The following MLIP variants were observed in gnomAD, a reference collection of about 807,000 sequenced individuals.
MLIP encodes muscular LMNA interacting protein, also known as muscular LMNA-interacting protein.
A neutral mutation model predicts 84.8 loss-of-function variants in MLIP; 79 were observed. That is an observed-to-expected ratio of 0.93 (90% CI 0.78 to 1.12). The LOEUF (loss-of-function observed/expected upper bound fraction) is 1.12. MLIP is among the 50% of genes most tolerant of loss of function. The probability of loss-of-function intolerance (pLI) is 0.00; values close to 1 mark genes in which losing one functional copy is unlikely to be tolerated. For synonymous variants in MLIP, 504 were observed against 463.0 expected (o/e 1.09, Z -1.14); for missense variants, 1,257 against 1,160.6 (o/e 1.08, Z -1.21).
intron 1 of MLIP, among the ~76,000 whole-genome samples, chr6:54,086,309 A>T (rs1767485312): frequency 6.6e-6 from 1 of 152,172 alleles, no homozygotes; most frequent in Non-Finnish European, 1.5e-5. Flanking sequence ...ATTTACTTGA[A>T]TGTCTAAAAG....
At chr6:54,143,292 A>C (rs1319366280) in intron 4 of MLIP, among the ~76,000 whole-genome samples, 1 of 146,490 alleles carries the variant, frequency 6.8e-6, no homozygotes, top group Middle Eastern at 3.4e-3. Context: ...ATCTCGGCTC[A>C]CTGCAACCTC....
In MLIP at chr6:54,069,125, TG is replaced by T. The variant is rs1766349197; in HGVS notation, c.63+50035del. On this transcript the variant is annotated intron_variant, in intron 1 of 12. Coordinates refer to the MLIP transcript ENST00000274897. ...TTCGTTCATGTTCAGTGGTGCTCCA[TG>T]TGTTTTAAGAATCTGTGCTGTGTCT... 2.0e-5 allele frequency among the ~76,000 whole-genome samples: 2 copies of T among 101,520 alleles called. 1 individual carries two copies. Among genetic ancestry groups the T allele is most frequent in the Non-Finnish European group, 5.7e-5 (2 of 35,250 alleles). The allele number at this position is 101,520 out of a possible 152,430, so 66.6% of individuals were successfully genotyped here. A position where few individuals can be genotyped will look rare whatever the true frequency, so the allele number is the denominator to read the frequency against.
chr6:54,160,542 G>A lies in MLIP; in HGVS notation c.2382G>A (p.Gln794=). The A allele has an allele frequency of 6.2e-7, 1 of 1,612,508 alleles. No individual in the cohort carries two copies. The highest frequency in any genetic ancestry group is 8.5e-7 in the Non-Finnish European group (1 of 1,179,128). ...VELYFPAQLR[Q]QTEELCATID... ...TCTATTTTCCTGCACAGCTCAGGCAGCAAACTGAAGAGCTCTGTGCTACCA... is the reference window on the plus strand; with the variant it reads ...TCTATTTTCCTGCACAGCTCAGGCAACAAACTGAAGAGCTCTGTGCTACCA... Residue 794 remains glutamine, a synonymous_variant, in exon 7 of 14, where the codon CAG becomes CAA. Coordinates refer to ENST00000502396, the MANE Select transcript of MLIP (RefSeq NM_001281747.2).
chr6:54,237,232 G>A (rs759112357), intron 12 of MLIP, among the ~76,000 whole-genome samples: 18 of 151,678 alleles, frequency 1.2e-4, no homozygotes, highest in Non-Finnish European at 2.4e-4. Flanking sequence ...ATATGGCTGG[G>A]GAACTCTGGG....
intron 11 of MLIP, among the ~76,000 whole-genome samples, chr6:54,208,908 C>T (rs1423233761): frequency 6.6e-6 from 1 of 152,176 alleles, no homozygotes; most frequent in African/African-American, 2.4e-5. Flanking sequence ...TGTGTGATAG[C>T]TGTTAATAAG....
intron 1 of MLIP, among the ~76,000 whole-genome samples, chr6:54,041,829 T>C (rs1582014116): frequency 6.6e-6 from 1 of 152,170 alleles, no homozygotes; most frequent in Non-Finnish European, 1.5e-5. Flanking sequence ...TTTTGGCTGG[T>C]ACAATTCCTG....
chr6:54,037,216 G>A (rs2150294582), intron 1 of MLIP, among the ~76,000 whole-genome samples: 1 of 152,044 alleles, frequency 6.6e-6, no homozygotes, highest in African/African-American at 2.4e-5. Flanking sequence ...TGCTTACAGT[G>A]TCTCTACAAC....
intron 1 of MLIP, among the ~76,000 whole-genome samples, chr6:54,024,798 G>A (rs138079426): frequency 2.4e-3 from 370 of 152,198 alleles, no homozygotes; most frequent in Admixed American, 4.3e-3. Context: ...GGGAATGATT[G>A]TAAAGCATTT....
Position 54,214,566 on chromosome 6 carries a change from A to T in MLIP, c.2718+12333A>T, listed in dbSNP as rs534248039. 5.9e-5 allele frequency among the ~76,000 whole-genome samples: 9 copies of T among 152,232 alleles called. No individual in the cohort carries two copies. In the South Asian group the frequency reaches 1.9e-3, roughly 32 times the overall value. ...GCACAGTTCACACATTCTTACTCTG[A>T]TTAATTATGTTCTTTTCCAGAGGTT... is the stretch of plus-strand genomic sequence containing the variant. On this transcript the variant is annotated intron_variant, in intron 11 of 13. Transcript: ENST00000502396.
At chr6:54,077,451 T>A (rs7762970) in intron 1 of MLIP, among the ~76,000 whole-genome samples, 2 of 152,016 alleles carry the variant, frequency 1.3e-5, no homozygotes, top group South Asian at 2.1e-4. Context: ...GACCATTACT[T>A]GCAAATCTAT....
intron 5 of MLIP, among the ~76,000 whole-genome samples, chr6:54,152,632 T>C (rs750763286): frequency 6.6e-6 from 1 of 152,150 alleles, no homozygotes; most frequent in Non-Finnish European, 1.5e-5. Context: ...TTCTGGGAGA[T>C]ACAATTCAAA....
intron 1 of MLIP, among the ~76,000 whole-genome samples, chr6:54,057,451 T>C (rs756834041): frequency 2.0e-5 from 3 of 152,220 alleles, no homozygotes; most frequent in Non-Finnish European, 2.9e-5. Context: ...CATTCTTTTG[T>C]CTGTAAGGGT....
chr6:54,164,695 A>G (rs1013045584), intron 8 of MLIP, among the ~76,000 whole-genome samples: 2 of 151,950 alleles, frequency 1.3e-5, no homozygotes, highest in South Asian at 2.1e-4. Flanking sequence ...TTTCAAGAAT[A>G]TCATATAAAT....
chr6:54,220,116 T>G (rs912775145), intron 11 of MLIP, among the ~76,000 whole-genome samples: 3 of 152,210 alleles, frequency 2.0e-5, no homozygotes, highest in Admixed American at 6.5e-5. Context: ...CCTGAAAATC[T>G]ACTTGAATTT....
chr6:54,215,110 C>G (rs1340373340), intron 11 of MLIP: 4 of 1,492,150 alleles, frequency 2.7e-6, no homozygotes, highest in Middle Eastern at 1.7e-4. Flanking sequence ...TGTGTACTTC[C>G]TCACTAAAAG....
chr6:54,139,791 C>G (rs983550553), intron 4 of MLIP, among the ~76,000 whole-genome samples: 4 of 152,014 alleles, frequency 2.6e-5, no homozygotes, highest in African/African-American at 9.7e-5. Flanking sequence ...TTCTTTATTA[C>G]TATCATTTAT....
At chr6:54,189,768 T>C (rs558097403) in intron 9 of MLIP, 102 bp from the exon 10 acceptor site, 46 of 844,114 alleles carry the variant, frequency 5.4e-5, no homozygotes, top group Middle Eastern at 6.6e-4. Context: ...CAAAATCCTA[T>C]CATGGACATA....
intron 1 of MLIP, among the ~76,000 whole-genome samples, chr6:54,023,317 CTT>C (rs1217295405): frequency 6.6e-6 from 1 of 151,658 alleles, no homozygotes; most frequent in Non-Finnish European, 1.5e-5. Context: ...AAAAGCAACT[CTT>C]TGAGATTGAG....
Position 54,125,726 on chromosome 6 carries a change from C to T in MLIP, c.645+861C>T, listed in dbSNP as rs114772331. On this transcript the variant is annotated intron_variant, in intron 3 of 13. Coordinates refer to ENST00000502396, the MANE Select transcript of MLIP (RefSeq NM_001281747.2). ...AGCTCTAACTTCTTGACAATGACCACGAATTGTTACCCAGATGTCCCATTT... is the reference window on the plus strand; with the variant it reads ...AGCTCTAACTTCTTGACAATGACCATGAATTGTTACCCAGATGTCCCATTT... Among the ~76,000 whole-genome samples the T allele has an allele frequency of 1.4e-3, 210 of 152,234 alleles. 1 individual carries two copies. Among genetic ancestry groups the T allele is most frequent in the African/African-American group, 4.8e-3 (200 of 41,538 alleles).
Sources: gnomAD v4.1 joint callset for allele counts (sites outside exome capture counted in the v4.1 genomes callset) on GRCh38, gnomAD v4.1.1 for gene constraint, MANE v1.5 for transcripts, NCBI Gene and HGNC (gene_info 2026-07-23, HGNC 2026-07-21) for gene names.